The following TINAG variants were observed in gnomAD, a reference collection of about 807,000 sequenced individuals.
TINAG encodes tubulointerstitial nephritis antigen.
A neutral mutation model predicts 72.7 loss-of-function variants in TINAG; 83 were observed. That is an observed-to-expected ratio of 1.14 (90% confidence interval 0.96 to 1.37). The LOEUF (loss-of-function observed/expected upper bound fraction) is 1.37. Among genes scored for constraint, TINAG ranks in the 40% most tolerant of loss-of-function variants. The pLI, the probability that TINAG is intolerant of heterozygous loss-of-function variation, is 0.00. For missense variants in TINAG, 685 were observed against 576.6 expected (o/e 1.19, Z -1.93); for synonymous variants, 234 against 189.9 (o/e 1.23, Z -1.91).
At chr6:54,365,867 C>A (rs1170440400) in intron 9 of TINAG, among the ~76,000 whole-genome samples, 2 of 151,452 alleles carry the variant, frequency 1.3e-5, no homozygotes, top group African/African-American at 2.4e-5. Context: ...AGAATCCCTG[C>A]TTTATAAGCT....
intron 6 of TINAG, among the ~76,000 whole-genome samples, chr6:54,349,431 T>C (rs1176619310): frequency 6.6e-6 from 1 of 152,020 alleles, no homozygotes; most frequent in Non-Finnish European, 1.5e-5. Flanking sequence ...GACTTAATAT[T>C]GACAGCCATT....
intron 4 of TINAG, among the ~76,000 whole-genome samples, chr6:54,339,365 T>TCCC (rs1784944340): frequency 6.6e-6 from 1 of 152,194 alleles, no homozygotes; most frequent in Non-Finnish European, 1.5e-5. Context: ...GGTCATATAA[T>TCCC]GGTTCAACAG....
intron 4 of TINAG, among the ~76,000 whole-genome samples, chr6:54,333,717 G>A (rs1274459124): frequency 1.3e-5 from 2 of 151,902 alleles, no homozygotes; most frequent in South Asian, 2.1e-4. Flanking sequence ...TACAAATTTC[G>A]GATTACTGGT....
Position 54,326,834 on chromosome 6 carries a change from G to A in TINAG, c.542G>A (p.Gly181Glu), listed in dbSNP as rs1372449031. The A allele has an allele frequency of 1.9e-6, 3 of 1,611,676 alleles. No homozygotes were observed. The highest frequency in any genetic ancestry group is 1.3e-5 in the African/African-American group (1 of 74,922). Reference protein sequence around the residue: ...WTAQNYSQFWGMTLEDGFKFR... With the variant: ...WTAQNYSQFWEMTLEDGFKFR... ...GCACAGAATTACAGCCAATTTTGGGGAATGACTTTAGAAGATGGTTTTAAA... is the reference window on the plus strand; with the variant it reads ...GCACAGAATTACAGCCAATTTTGGGAAATGACTTTAGAAGATGGTTTTAAA... The change falls in exon 4 of 11, where the codon GGA (glycine) becomes GAA (glutamate). Residue 181 changes from glycine to glutamate, a missense_variant. Physicochemically the swap from Gly to Glu is moderately conservative, Grantham distance 98. Coordinates refer to ENST00000259782, the MANE Select transcript of TINAG (RefSeq NM_014464.4).
chr6:54,349,239 T>C (rs1456739771), intron 6 of TINAG, among the ~76,000 whole-genome samples: 1 of 151,858 alleles, frequency 6.6e-6, no homozygotes, highest in Non-Finnish European at 1.5e-5. Flanking sequence ...TTAATAAAAA[T>C]ATACAAACAC....
chr6:54,329,952 G>T (rs559742771), intron 4 of TINAG, among the ~76,000 whole-genome samples: 3 of 152,086 alleles, frequency 2.0e-5, no homozygotes, highest in East Asian at 1.9e-4. Flanking sequence ...ACCCAATACA[G>T]GAGCACCCAG....
Position 54,389,877 on chromosome 6 carries a change from G to A in TINAG, c.1383G>A (p.Lys461=), listed in dbSNP as rs751272623. 2.5e-6 allele frequency: 4 copies of A among 1,610,764 alleles called. No individual in the cohort carries two copies. Among genetic ancestry groups the A allele is most frequent in the Admixed American group, 3.4e-5 (2 of 59,466 alleles). ...GAGTAAATGAGTCCGACATTGAAAA[G>A]TTGATTATCGCAGCTTGGGGCCAAC... ...LRGVNESDIE[K]LIIAAWGQLT... is the part of the protein sequence containing the mutation. Residue 461 remains lysine (K), a synonymous_variant, in exon 11 of 11, where the codon AAG becomes AAA. Transcript: ENST00000259782.
intron 9 of TINAG, among the ~76,000 whole-genome samples, chr6:54,367,598 G>A (rs1763473380): frequency 6.6e-6 from 1 of 151,690 alleles, no homozygotes; most frequent in African/African-American, 2.4e-5. Context: ...GTAGAAAATG[G>A]CCCAGAATTA....
intron 1 of TINAG, among the ~76,000 whole-genome samples, chr6:54,309,737 A>G (rs1381020434): frequency 1.3e-5 from 2 of 151,860 alleles, no homozygotes; most frequent in African/African-American, 4.8e-5. Flanking sequence ...TAAATGGGTG[A>G]TGGTGACTAG....
chr6:54,356,616 TGCTC>T (rs979794651), intron 9 of TINAG, among the ~76,000 whole-genome samples: 2 of 151,814 alleles, frequency 1.3e-5, no homozygotes, highest in African/African-American at 2.4e-5. Flanking sequence ...AGTCTTCTCT[TGCTC>T]TCTCTCTCTC....
rs781157063 is a variant in TINAG, at chr6:54,345,155, G to A, written c.748+1806G>A. Among the ~76,000 whole-genome samples the A allele has an allele frequency of 3.9e-4, 60 of 152,204 alleles. No homozygotes were observed. In the Middle Eastern group the frequency reaches 0.01, roughly 26 times the overall value. ...AAGGGAAAGAATAGAGTGTGTCTCA[G>A]AGGTACTGTCCAGTGAGAGTTTTTA... On this transcript the variant is annotated intron_variant, in intron 5 of 10. Coordinates refer to ENST00000259782, the MANE Select transcript of TINAG (RefSeq NM_014464.4).
intron 9 of TINAG, among the ~76,000 whole-genome samples, chr6:54,357,748 T>C (rs1219958376): frequency 2.0e-5 from 3 of 151,986 alleles, no homozygotes; most frequent in African/African-American, 4.8e-5. Context: ...TGTTATTTTG[T>C]ACCTGGATTA....
chr6:54,343,950 A>T (rs555264519), intron 5 of TINAG, among the ~76,000 whole-genome samples: 4 of 152,308 alleles, frequency 2.6e-5, no homozygotes, highest in Non-Finnish European at 5.9e-5. Flanking sequence ...TGACTCTTTT[A>T]TAGTTACTTT....
At chr6:54,374,945 G>A (rs1763737614) in intron 9 of TINAG, among the ~76,000 whole-genome samples, 1 of 151,966 alleles carries the variant, frequency 6.6e-6, no homozygotes. Flanking sequence ...CTAATACAGA[G>A]TTTGTCTGCC....
intron 5 of TINAG, among the ~76,000 whole-genome samples, chr6:54,345,042 C>G (rs1249121735): frequency 6.6e-6 from 1 of 152,004 alleles, no homozygotes; most frequent in Non-Finnish European, 1.5e-5. Context: ...CAAATTCAAG[C>G]TATTTTTCAG....
intron 10 of TINAG, among the ~76,000 whole-genome samples, chr6:54,385,553 T>A (rs893200294): frequency 6.6e-6 from 1 of 152,068 alleles, no homozygotes; most frequent in Non-Finnish European, 1.5e-5. Flanking sequence ...TGGTGAATTT[T>A]CCAAACATTT....
At chr6:54,359,442 T>G (rs1376761192) in intron 9 of TINAG, among the ~76,000 whole-genome samples, 2 of 151,844 alleles carry the variant, frequency 1.3e-5, no homozygotes, top group African/African-American at 4.8e-5. Flanking sequence ...CTCCTTTGAT[T>G]TATTAGAACT....
chr6:54,373,504 G>A (rs1763691988), intron 9 of TINAG, among the ~76,000 whole-genome samples: 1 of 151,964 alleles, frequency 6.6e-6, no homozygotes, highest in African/African-American at 2.4e-5. Flanking sequence ...TAAGACACTA[G>A]TGATAATTTA....
rs1228759983 is a variant in TINAG at position 54,349,788 on chromosome 6, C to T, written c.972C>T (p.Ser324=). The T allele has an allele frequency of 6.2e-7, 1 of 1,606,014 alleles. No individual in the cohort carries two copies. The highest frequency in any genetic ancestry group is 1.1e-5 in the South Asian group (1 of 90,026). The change falls in exon 7 of 11, where the codon AGC becomes AGT. Residue 324 remains serine, a synonymous_variant. Transcript: ENST00000259782. The part of the protein sequence containing the change: ...NATNNGCAMA[S]RSDGRGKRHA... ...CCAACAATGGATGTGCCATGGCAAGCAGGTCTGATGGGCGAGGAAAACGGC... is the reference window on the plus strand; with the variant it reads ...CCAACAATGGATGTGCCATGGCAAGTAGGTCTGATGGGCGAGGAAAACGGC...
Sources: gnomAD v4.1 joint callset for allele counts (sites outside exome capture counted in the v4.1 genomes callset) on GRCh38, gnomAD v4.1.1 for gene constraint, MANE v1.5 for transcripts, NCBI Gene and HGNC (gene_info 2026-07-23, HGNC 2026-07-21) for gene names.